The following THSD7B variants were observed in gnomAD, a reference collection of about 807,000 sequenced individuals.
The protein encoded by THSD7B is thrombospondin type 1 domain containing 7B.
Under a neutral mutation model 213.6 loss-of-function variants are expected in THSD7B, and 138 were observed. That is an observed-to-expected ratio of 0.65 (90% CI 0.56 to 0.74). The LOEUF is 0.74. Among genes scored for constraint, THSD7B ranks in the 30% least tolerant of loss-of-function variants. The probability of loss-of-function intolerance (pLI) is 0.00; values close to 1 mark genes in which losing one functional copy is unlikely to be tolerated. For missense variants in THSD7B, 1,931 were observed against 1,991.5 expected, an observed-to-expected ratio of 0.97 and a Z score of 0.58; for synonymous variants, 742 against 687.0, an observed-to-expected ratio of 1.08 and a Z score of -1.25.
intron 7 of THSD7B, among the ~76,000 whole-genome samples, chr2:137,175,772 T>C (rs373946844): frequency 1.3e-5 from 2 of 152,298 alleles, no homozygotes; most frequent in African/African-American, 4.8e-5. Flanking sequence ...GATCAAATAT[T>C]CTTTAAATGT....
rs1681849472 is a variant in THSD7B, at chr2:137,239,368, AT to A, written c.2151-3088del. ...GAAAACAGACACATAGTTCACCAAT[AT>A]AAAAAGGTGAACAGTTGGAAGCCTT... On this transcript the variant is annotated intron_variant, in intron 9 of 27. Coordinates refer to ENST00000409968, the MANE Select transcript of THSD7B (RefSeq NM_001316349.2). 5.3e-5 allele frequency among the ~76,000 whole-genome samples: 8 copies of A among 152,308 alleles called. 1 individual carries two copies. In the South Asian group the frequency reaches 1.7e-3, roughly 32 times the overall value.
intron 2 of THSD7B, among the ~76,000 whole-genome samples, chr2:137,004,160 A>C (rs1245963701): frequency 6.6e-6 from 1 of 152,202 alleles, no homozygotes. Flanking sequence ...AGTCAAAAGA[A>C]AAAGTGGCAT....
At chr2:137,150,099 A>T (rs940876337) in intron 5 of THSD7B, among the ~76,000 whole-genome samples, 1 of 151,922 alleles carries the variant, frequency 6.6e-6, no homozygotes, top group Non-Finnish European at 1.5e-5. Context: ...AAAACTAGCC[A>T]GGTGTGGTGG....
chr2:137,611,852 CT>C (rs1411353596), intron 17 of THSD7B, among the ~76,000 whole-genome samples: 3 of 152,062 alleles, frequency 2.0e-5, no homozygotes, highest in Non-Finnish European at 4.4e-5. Flanking sequence ...AATTGTAAGT[CT>C]TTTGGGGAGA....
chr2:136,933,847 T>A (rs1684674087), intron 2 of THSD7B, among the ~76,000 whole-genome samples: 1 of 152,210 alleles, frequency 6.6e-6, no homozygotes, highest in African/African-American at 2.4e-5. Context: ...CAGTTCCTAA[T>A]GTATTCTACT....
At chr2:137,060,174 G>A (rs1307937495) in intron 3 of THSD7B, among the ~76,000 whole-genome samples, 1 of 152,042 alleles carries the variant, frequency 6.6e-6, no homozygotes, top group Non-Finnish European at 1.5e-5. Context: ...ATTTGATAAG[G>A]TGTCTATTCA....
intron 2 of THSD7B, among the ~76,000 whole-genome samples, chr2:136,895,909 G>C (rs1304643906): frequency 3.3e-5 from 5 of 152,032 alleles, no homozygotes; most frequent in Non-Finnish European, 7.4e-5. Context: ...ATAATGTTTT[G>C]TGGTTGCTCT....
chr2:137,350,900 C>A (rs7597955), intron 12 of THSD7B, among the ~76,000 whole-genome samples: 1 of 151,858 alleles, frequency 6.6e-6, no homozygotes, highest in African/African-American at 2.4e-5. Flanking sequence ...GATGGTGATG[C>A]CACTTACTGA....
intron 3 of THSD7B, among the ~76,000 whole-genome samples, chr2:137,073,532 A>G (rs1261272132): frequency 6.6e-6 from 1 of 152,134 alleles, no homozygotes; most frequent in Non-Finnish European, 1.5e-5. Flanking sequence ...GTTCAAAAAA[A>G]CAGCTCCTGG....
At chr2:136,841,593 C>CAAAAAA (rs534991799) in intron 1 of THSD7B, among the ~76,000 whole-genome samples, 5 of 93,090 alleles carry the variant, frequency 5.4e-5, no homozygotes, top group African/African-American at 1.7e-4. Context: ...AAGACTCCAT[C>CAAAAAA]AAAAAAAAAA....
intron 15 of THSD7B, among the ~76,000 whole-genome samples, chr2:137,539,357 C>T (rs1680565210): frequency 6.6e-6 from 1 of 151,610 alleles, no homozygotes; most frequent in African/African-American, 2.4e-5. Flanking sequence ...ATCTCATACA[C>T]TGGGAAGGGG....
At chr2:136,835,511 T>A (rs543007543) in intron 1 of THSD7B, among the ~76,000 whole-genome samples, 1 of 152,336 alleles carries the variant, frequency 6.6e-6, no homozygotes, top group Admixed American at 6.5e-5. Flanking sequence ...AGGCTCTGAT[T>A]GTAACATCTT....
chr2:136,933,108 ATTCCTTCCTTCCTTCCTTCC>A (rs56042301), intron 2 of THSD7B, among the ~76,000 whole-genome samples: 32 of 130,774 alleles, frequency 2.4e-4, no homozygotes, highest in East Asian at 2.3e-3. Flanking sequence ...TTTGCCCGCC[ATTCCTTCCTTCCTTCCTTCC>A]TTCCTTCCTT....
At chr2:136,903,699 T>C (rs1684099959) in intron 2 of THSD7B, among the ~76,000 whole-genome samples, 1 of 152,190 alleles carries the variant, frequency 6.6e-6, no homozygotes, top group African/African-American at 2.4e-5. Context: ...TGCCAGCCTC[T>C]AGCTCATTAT....
chr2:136,804,744 T>C (rs1682253811), intron 1 of THSD7B, among the ~76,000 whole-genome samples: 1 of 152,186 alleles, frequency 6.6e-6, no homozygotes, highest in Admixed American at 6.5e-5. Context: ...GAAGTTACTT[T>C]TTCCATTTGG....
At chr2:137,087,181 TA>T (rs201448866) in intron 3 of THSD7B, among the ~76,000 whole-genome samples, 24 of 151,428 alleles carry the variant, frequency 1.6e-4, no homozygotes, top group East Asian at 9.7e-4. Context: ...AAGTAAAAAT[TA>T]AAAAAAAATA....
intron 17 of THSD7B, among the ~76,000 whole-genome samples, chr2:137,585,772 T>G (rs1323359644): frequency 1.3e-5 from 2 of 152,202 alleles, no homozygotes; most frequent in African/African-American, 4.8e-5. Flanking sequence ...TGTGGTCAAT[T>G]TAGGAATAGG....
At chr2:136,900,602 A>C (rs572075879) in intron 2 of THSD7B, among the ~76,000 whole-genome samples, 1 of 152,286 alleles carries the variant, frequency 6.6e-6, no homozygotes, top group South Asian at 2.1e-4. Context: ...TCCTATACCT[A>C]ATGCTTTTTC....
chr2:137,519,378 T>G (rs1680136051), intron 15 of THSD7B, among the ~76,000 whole-genome samples: 1 of 152,228 alleles, frequency 6.6e-6, no homozygotes, highest in South Asian at 2.1e-4. Context: ...ATTAGAACAG[T>G]TATTTTCAAT....
Sources: allele counts gnomAD v4.1 joint callset (sites outside exome capture counted in the v4.1 genomes callset), GRCh38; gene constraint gnomAD v4.1.1; transcripts MANE v1.5; gene names NCBI Gene and HGNC (gene_info 2026-07-23, HGNC 2026-07-21).